The following PPP2R5E variants were observed in gnomAD, a reference collection of about 807,000 sequenced individuals.
PPP2R5E encodes serine/threonine-protein phosphatase 2A 56 kDa regulatory subunit epsilon isoform.
In PPP2R5E, 4 loss-of-function variants were observed where a neutral mutation model predicts 65.3. The observed-to-expected ratio is 0.06, with a 90% confidence interval of 0.03 to 0.14. The LOEUF is 0.14. Among genes scored for constraint, PPP2R5E ranks in the 10% least tolerant of loss-of-function variants. PPP2R5E has a pLI of 1.00. For synonymous variants in PPP2R5E, 183 were observed against 187.4 expected (o/e 0.98, Z 0.19); for missense variants, 274 against 556.1 (o/e 0.49, Z 5.10).
intron 2 of PPP2R5E, among the ~76,000 whole-genome samples, chr14:63,529,936 G>A (rs1329028541): frequency 6.6e-6 from 1 of 152,172 alleles, no homozygotes; most frequent in Non-Finnish European, 1.5e-5. Flanking sequence ...TATGGTAAGG[G>A]TAGATGCATA....
intron 2 of PPP2R5E, among the ~76,000 whole-genome samples, chr14:63,514,359 C>A (rs968324039): frequency 2.6e-5 from 4 of 152,114 alleles, no homozygotes; most frequent in African/African-American, 9.7e-5. Flanking sequence ...CATTTGGCCA[C>A]CTTTGATACT....
At chr14:63,379,826 CT>C (rs558475440) in intron 13 of PPP2R5E, among the ~76,000 whole-genome samples, 148 of 100,258 alleles carry the variant, frequency 1.5e-3, no homozygotes, top group East Asian at 4.1e-3. Context: ...TATTCTCTCT[CT>C]TTTTTTTTTT....
At chr14:63,465,591 G>A (rs920388248) in intron 2 of PPP2R5E, among the ~76,000 whole-genome samples, 13 of 152,140 alleles carry the variant, frequency 8.5e-5, no homozygotes, top group East Asian at 1.9e-4. Context: ...GCACCACTGC[G>A]CTCCAGCCTC....
intron 3 of PPP2R5E, among the ~76,000 whole-genome samples, chr14:63,422,502 G>A (rs1026835056): frequency 6.6e-6 from 1 of 152,076 alleles, no homozygotes; most frequent in African/African-American, 2.4e-5. Context: ...CAAGGTGGGG[G>A]GATCACGAGG....
rs115925365 is a variant in PPP2R5E, at chr14:63,493,272, T to C, written c.158-39387A>G. On this transcript the variant is annotated intron_variant, in intron 2 of 13. Coordinates refer to ENST00000337537, the MANE Select transcript of PPP2R5E (RefSeq NM_006246.5). Reference sequence around the variant, plus strand: ...GATCCTCCTGCCTCTGCCTCCTGTGTAGCTGGGACTACAGGCACTTGCCAC... The same window carrying C: ...GATCCTCCTGCCTCTGCCTCCTGTGCAGCTGGGACTACAGGCACTTGCCAC... Among the ~76,000 whole-genome samples the C allele has an allele frequency of 2.8e-4, 43 of 151,992 alleles. 1 individual carries two copies. Among genetic ancestry groups the C allele is most frequent in the African/African-American group, 1.0e-3 (42 of 41,482 alleles).
At chr14:63,447,710 C>T (rs1211079403) in intron 3 of PPP2R5E, among the ~76,000 whole-genome samples, 1 of 152,212 alleles carries the variant, frequency 6.6e-6, no homozygotes, top group Non-Finnish European at 1.5e-5. Flanking sequence ...AGAGGCCTAG[C>T]TTTTGGTCTG....
chr14:63,446,887 T>C (rs887550264), intron 3 of PPP2R5E, among the ~76,000 whole-genome samples: 1 of 151,578 alleles, frequency 6.6e-6, no homozygotes, highest in Non-Finnish European at 1.5e-5. Context: ...ATATCTCCAT[T>C]AGAGCTCTTG....
intron 3 of PPP2R5E, among the ~76,000 whole-genome samples, chr14:63,423,822 T>A (rs769984237): frequency 6.6e-6 from 1 of 152,216 alleles, no homozygotes; most frequent in Non-Finnish European, 1.5e-5. Flanking sequence ...TAAAAACCCA[T>A]GCCCTCATGG....
intron 4 of PPP2R5E, among the ~76,000 whole-genome samples, chr14:63,415,628 T>A (rs1201743374): frequency 6.6e-6 from 1 of 152,136 alleles, no homozygotes; most frequent in Non-Finnish European, 1.5e-5. Context: ...ATAAATATAT[T>A]TTTACAGTTT....
chr14:63,373,205 T>C lies in PPP2R5E; in HGVS notation c.*2804A>G, dbSNP rs1475617670. ...AATCCTATCCCTGAAACCAATATGG[T>C]AAGGATAAGGTTGGAGTGATCATCA... On this transcript the variant is annotated 3_prime_UTR_variant, in exon 14 of 14. Transcript: ENST00000337537. 6.6e-6 allele frequency: 1 copy of C among 152,198 alleles called. No individual in the cohort carries two copies. The highest frequency in any genetic ancestry group is 1.5e-5 in the Non-Finnish European group (1 of 68,026). The allele number at this position is 152,198 out of a possible 1,614,324, so 9.4% of individuals were successfully genotyped here.
At chr14:63,388,792 A>C (rs1174456717) in intron 11 of PPP2R5E, among the ~76,000 whole-genome samples, 1 of 152,216 alleles carries the variant, frequency 6.6e-6, no homozygotes, top group African/African-American at 2.4e-5. Flanking sequence ...ATCAAATGAC[A>C]CCGTTAGAGG....
At chr14:63,454,438 C>T (rs763041125) in intron 2 of PPP2R5E, among the ~76,000 whole-genome samples, 36 of 152,216 alleles carry the variant, frequency 2.4e-4, no homozygotes, top group South Asian at 6.2e-4. Flanking sequence ...CTAAATGAAA[C>T]AATACCAACT....
chr14:63,530,081 G>A (rs1893349060), intron 2 of PPP2R5E, among the ~76,000 whole-genome samples: 1 of 152,026 alleles, frequency 6.6e-6, no homozygotes, highest in East Asian at 1.9e-4. Flanking sequence ...TCTGATGAAA[G>A]CAATCAATTC....
intron 2 of PPP2R5E, among the ~76,000 whole-genome samples, chr14:63,465,274 T>C (rs987928830): frequency 6.6e-6 from 1 of 151,944 alleles, no homozygotes; most frequent in African/African-American, 2.4e-5. Flanking sequence ...CCTTCAAAAT[T>C]AGTTTTAAAC....
At chr14:63,537,761 TC>T (rs1281992977) in intron 2 of PPP2R5E, among the ~76,000 whole-genome samples, 1 of 152,158 alleles carries the variant, frequency 6.6e-6, no homozygotes, top group African/African-American at 2.4e-5. Context: ...CCTGGTTTCC[TC>T]CAAGCCACAC....
intron 3 of PPP2R5E, among the ~76,000 whole-genome samples, chr14:63,427,802 T>G (rs1887424357): frequency 6.6e-6 from 1 of 152,050 alleles, no homozygotes; most frequent in African/African-American, 2.4e-5. Context: ...GGTTAGAAAT[T>G]ATCTTATCCA....
chr14:63,523,266 A>T (rs1187868802), intron 2 of PPP2R5E, among the ~76,000 whole-genome samples: 1 of 152,170 alleles, frequency 6.6e-6, no homozygotes, highest in African/African-American at 2.4e-5. Flanking sequence ...TGGAGTAGAA[A>T]GTGGTGAGAG....
At chr14:63,437,680 A>C (rs971573173) in intron 3 of PPP2R5E, among the ~76,000 whole-genome samples, 2 of 152,106 alleles carry the variant, frequency 1.3e-5, no homozygotes, top group Admixed American at 6.5e-5. Flanking sequence ...CAGGAAGGCC[A>C]ATTCCACAGT....
chr14:63,430,234 C>T (rs1005201913), intron 3 of PPP2R5E, among the ~76,000 whole-genome samples: 1 of 150,980 alleles, frequency 6.6e-6, no homozygotes, highest in Non-Finnish European at 1.5e-5. Context: ...AACCCTAACA[C>T]CAGGCACAGT....
Sources: allele counts gnomAD v4.1 joint callset (sites outside exome capture counted in the v4.1 genomes callset), GRCh38; gene constraint gnomAD v4.1.1; transcripts MANE v1.5; gene names NCBI Gene and HGNC (gene_info 2026-07-23, HGNC 2026-07-21).